TENM3: variants seen among roughly 807,000 people sequenced by gnomAD.
The protein encoded by TENM3 is teneurin transmembrane protein 3.
TENM3 carries 63 observed loss-of-function variants against 255.1 expected under a neutral mutation model. The ratio of observed to expected loss-of-function variants is 0.25; its 90% CI spans 0.20 to 0.30. The LOEUF (loss-of-function observed/expected upper bound fraction) is 0.30, where lower values mean the gene tolerates loss of function less well. Among genes scored for constraint, TENM3 ranks in the 10% least tolerant of loss-of-function variants. TENM3 has a pLI of 1.00. For synonymous variants in TENM3, 1,306 were observed against 1,322.3 expected, an observed-to-expected ratio of 0.99 and a Z score of 0.27; for missense variants, 2,929 against 3,461.1, an observed-to-expected ratio of 0.85 and a Z score of 3.86.
the TENM3 span, among the ~76,000 whole-genome samples, chr4:181,837,476 C>T: frequency 6.6e-6 from 1 of 151,826 alleles, no homozygotes; most frequent in Admixed American, 6.6e-5. Context: ...GAATTACATT[C>T]GATTTTCCAA....
At chr4:182,075,200 C>CTTTCT in the TENM3 span, among the ~76,000 whole-genome samples, 7 of 128,202 alleles carry the variant, frequency 5.5e-5, no homozygotes, top group East Asian at 1.1e-3. Flanking sequence ...TGTTTTTTTT[C>CTTTCT]TTTTTTTTTT....
intron 15 of TENM3, 60 bp from the exon 16 acceptor site, chr4:182,730,818 G>GTGTATTGGTAGT (rs948767219): frequency 1.3e-6 from 2 of 1,570,572 alleles, no homozygotes; most frequent in African/African-American, 2.7e-5. Flanking sequence ...TTAAGGAGGT[G>GTGTATTGGTAGT]TGTATTGGTA....
rs1472183168 is a variant in TENM3 at position 182,347,004 on chromosome 4, A to G, written c.511+75A>G. On this transcript the variant is annotated intron_variant, in intron 3 of 27. Coordinates refer to ENST00000511685, the MANE Select transcript of TENM3 (RefSeq NM_001080477.4). The stretch of plus-strand genomic sequence containing the variant: ...GTTTTGGTTGACTCCGCGGGGGGGG[A>G]TGTTTTTCTTTCTCTCCTTCCTCTC... 6 of 1,068,678 alleles carry G rather than the reference A, an allele frequency of 5.6e-6. No homozygotes were observed. The African/African-American group carries it at 6.9e-5, about 12-fold the overall frequency. The allele number at this position is 1,068,678 out of a possible 1,614,324, so 66.2% of individuals were successfully genotyped here.
intron 1 of TENM3, among the ~76,000 whole-genome samples, chr4:182,213,394 T>TA (rs1447836925): frequency 2.6e-5 from 4 of 152,216 alleles, no homozygotes; most frequent in Non-Finnish European, 4.4e-5. Context: ...TTTTCATAAT[T>TA]ACACTGTTCA....
the TENM3 span, among the ~76,000 whole-genome samples, chr4:181,463,191 G>A: frequency 6.6e-6 from 1 of 152,024 alleles, no homozygotes; most frequent in African/African-American, 2.4e-5. Context: ...CTTCCACCTG[G>A]AATTTCCTTT....
chr4:182,621,031 A>T (rs73008922), intron 4 of TENM3, among the ~76,000 whole-genome samples: 1 of 151,998 alleles, frequency 6.6e-6, no homozygotes, highest in African/African-American at 2.4e-5. Context: ...AACACAAAAA[A>T]TTAGCAGGAC....
At chr4:182,689,178 T>A (rs967995438) in intron 12 of TENM3, among the ~76,000 whole-genome samples, 7 of 152,214 alleles carry the variant, frequency 4.6e-5, no homozygotes, top group African/African-American at 2.4e-5. Flanking sequence ...GTATTAATTA[T>A]AAGTGGCACG....
chr4:181,948,803 C>T, the TENM3 span, among the ~76,000 whole-genome samples: 10 of 152,140 alleles, frequency 6.6e-5, no homozygotes, highest in Admixed American at 6.5e-4. Flanking sequence ...CACCCCAGTG[C>T]AAAGGAAAGT....
chr4:181,868,893 G>A, the TENM3 span, among the ~76,000 whole-genome samples: 5 of 151,984 alleles, frequency 3.3e-5, no homozygotes, highest in East Asian at 1.9e-4. Context: ...CTTTCCAACA[G>A]CCTCTTGATT....
rs549149742 is a variant in TENM3 at position 182,633,210 on chromosome 4, G to A, written c.988+4321G>A. Among the ~76,000 whole-genome samples the A allele has an allele frequency of 6.6e-5, 10 of 152,262 alleles. 1 individual carries two copies. In the South Asian group the frequency reaches 2.1e-3, roughly 32 times the overall value. On this transcript the variant is annotated intron_variant, in intron 5 of 27. Coordinates refer to ENST00000511685, the MANE Select transcript of TENM3 (RefSeq NM_001080477.4). ...GCCTCCCAAAGTGCTGAGATGACAG[G>A]AATGAGCCACCACTGTGCCCAGCCG...
chr4:181,647,180 G>GA, the TENM3 span, among the ~76,000 whole-genome samples: 1 of 152,128 alleles, frequency 6.6e-6, no homozygotes, highest in Admixed American at 6.5e-5. Context: ...GACAACCTAA[G>GA]ACCAAGCAAC....
the TENM3 span, among the ~76,000 whole-genome samples, chr4:181,793,253 A>G: frequency 6.6e-6 from 1 of 152,200 alleles, no homozygotes; most frequent in Non-Finnish European, 1.5e-5. Flanking sequence ...AATTCCCTCC[A>G]TCTGCCTTTT....
At chr4:182,103,273 C>A in the TENM3 span, among the ~76,000 whole-genome samples, 92 of 152,198 alleles carry the variant, frequency 6.0e-4, 1 homozygote, top group African/African-American at 2.1e-3. Flanking sequence ...TTAAGATACA[C>A]TTTTAATATT....
intron 2 of TENM3, among the ~76,000 whole-genome samples, chr4:182,343,579 C>T (rs1027813520): frequency 3.9e-5 from 6 of 152,106 alleles, no homozygotes; most frequent in African/African-American, 1.4e-4. Flanking sequence ...CCTGCCTCTT[C>T]CCACTTCTCT....
At chr4:182,172,830 T>C (rs1213275008) in intron 1 of TENM3, among the ~76,000 whole-genome samples, 1 of 152,198 alleles carries the variant, frequency 6.6e-6, no homozygotes, top group Admixed American at 6.5e-5. Context: ...TATTAAAATA[T>C]ACAGAGTTTA....
At chr4:181,663,348 G>A in the TENM3 span, among the ~76,000 whole-genome samples, 1 of 152,064 alleles carries the variant, frequency 6.6e-6, no homozygotes, top group Non-Finnish European at 1.5e-5. Context: ...TATCTAACAC[G>A]GGAGCAACAA....
At chr4:182,610,277 G>A (rs1249812903) in intron 4 of TENM3, among the ~76,000 whole-genome samples, 1 of 152,144 alleles carries the variant, frequency 6.6e-6, no homozygotes, top group Admixed American at 6.5e-5. Flanking sequence ...GGAAATATTG[G>A]TTAGTCTTAC....
chr4:181,453,885 A>G, the TENM3 span, among the ~76,000 whole-genome samples: 1 of 152,110 alleles, frequency 6.6e-6, no homozygotes, highest in Non-Finnish European at 1.5e-5. Flanking sequence ...TGGCACAGTG[A>G]TCAGAAGGTC....
intron 3 of TENM3, among the ~76,000 whole-genome samples, chr4:182,386,131 G>A (rs1580370682): frequency 6.6e-6 from 1 of 152,196 alleles, no homozygotes; most frequent in African/African-American, 2.4e-5. Context: ...AATCAATCAT[G>A]CACTCAATTA....
Sources: allele counts gnomAD v4.1 joint callset (sites outside exome capture counted in the v4.1 genomes callset), GRCh38; gene constraint gnomAD v4.1.1; transcripts MANE v1.5; gene names NCBI Gene and HGNC (gene_info 2026-07-23, HGNC 2026-07-21).